THADA: variants seen among roughly 807,000 people sequenced by gnomAD.
THADA encodes the protein THADA armadillo repeat containing, also known as tRNA (32-2'-O)-methyltransferase regulator THADA.
In THADA, 213 loss-of-function variants were observed where a neutral mutation model predicts 219.8. The observed-to-expected ratio is 0.97, with a 90% CI of 0.87 to 1.09. The LOEUF (loss-of-function observed/expected upper bound fraction) is 1.09. Ranked by LOEUF, THADA falls within the 50% of genes least tolerant of loss-of-function variation. The pLI, the probability that THADA is intolerant of heterozygous loss-of-function variation, is 0.00. For missense variants in THADA, 2,956 were observed against 2,311.3 expected (o/e 1.28, Z -5.72); for synonymous variants, 1,018 against 828.9 (o/e 1.23, Z -3.92).
At chr2:43,581,978 T>C (rs1231385580) in intron 7 of THADA, 50 bp from the exon 8 acceptor site, 1 of 1,356,160 alleles carries the variant, frequency 7.4e-7, no homozygotes, top group East Asian at 2.5e-5. Flanking sequence ...AACAAAAGTG[T>C]GAACATTTCT....
intron 32 of THADA, among the ~76,000 whole-genome samples, chr2:43,292,475 T>C (rs901337130): frequency 6.6e-6 from 1 of 152,218 alleles, no homozygotes; most frequent in Admixed American, 6.5e-5. Context: ...CTTTTGATTA[T>C]GCTTCCCAGG....
intron 22 of THADA, among the ~76,000 whole-genome samples, chr2:43,518,698 T>C (rs1202181855): frequency 3.3e-5 from 5 of 152,208 alleles, no homozygotes; most frequent in South Asian, 4.1e-4. Context: ...AGATGATAAC[T>C]TTTTCCTTTC....
At chr2:43,415,852 G>A in intron 28 of THADA, among the ~76,000 whole-genome samples, 1 of 152,136 alleles carries the variant, frequency 6.6e-6, no homozygotes, top group East Asian at 1.9e-4. Flanking sequence ...CTACTTTAGA[G>A]ACATGTTCAA....
intron 3 of THADA, 137 bp downstream of exon 3, chr2:43,591,815 A>G (rs1341848210): frequency 2.9e-6 from 1 of 343,720 alleles, no homozygotes; most frequent in Non-Finnish European, 4.8e-6. Context: ...CAATAAACAG[A>G]AAAAAAAAAA....
intron 24 of THADA, among the ~76,000 whole-genome samples, chr2:43,502,540 G>A (rs563987396): frequency 1.4e-5 from 2 of 146,900 alleles, no homozygotes; most frequent in South Asian, 4.3e-4. Context: ...AGCTGAGATC[G>A]TGCCACTGCC....
intron 29 of THADA, among the ~76,000 whole-genome samples, chr2:43,345,287 G>A (rs1667513234): frequency 6.6e-6 from 1 of 152,204 alleles, no homozygotes; most frequent in African/African-American, 2.4e-5. Context: ...AAACAGAAAA[G>A]GCCAGATAAA....
chr2:43,410,409 C>A (rs1676136853), intron 28 of THADA, among the ~76,000 whole-genome samples: 1 of 152,148 alleles, frequency 6.6e-6, no homozygotes, highest in African/African-American at 2.4e-5. Context: ...GAAATGAAAG[C>A]CTAAGTCCAA....
At chr2:43,540,989 T>C (rs1190523521) in intron 21 of THADA, among the ~76,000 whole-genome samples, 170 bp downstream of exon 21, 5 of 152,210 alleles carry the variant, frequency 3.3e-5, no homozygotes, top group Admixed American at 6.5e-5. Flanking sequence ...AGTTTTGAAA[T>C]GTATTATAAA....
chr2:43,524,440 C>T (rs1408910107), intron 22 of THADA, among the ~76,000 whole-genome samples: 6 of 152,316 alleles, frequency 3.9e-5, no homozygotes, highest in African/African-American at 1.2e-4. Context: ...TTCCTTAACA[C>T]AGCTGTAGTT....
rs571817993 is a variant in THADA, at chr2:43,521,449, G to A, written c.3374+6430C>T. On this transcript the variant is annotated intron_variant, in intron 22 of 37. Transcript: ENST00000405975. ...TTTGCTCTTGTAATCCCAGCTACTC[G>A]GGAGGCTGAGGTGGGAGATTCACTT... Among the ~76,000 whole-genome samples the A allele has an allele frequency of 8.1e-4, 123 of 152,228 alleles. 1 individual carries two copies. Among genetic ancestry groups the A allele is most frequent in the African/African-American group, 2.8e-3 (117 of 41,546 alleles).
intron 31 of THADA, among the ~76,000 whole-genome samples, chr2:43,295,002 T>G (rs1675197755): frequency 6.6e-6 from 1 of 152,196 alleles, no homozygotes; most frequent in Non-Finnish European, 1.5e-5. Flanking sequence ...CTCATGCCTG[T>G]AATCCCAACA....
chr2:43,442,210 C>T (rs756715325), intron 26 of THADA, among the ~76,000 whole-genome samples: 8 of 152,054 alleles, frequency 5.3e-5, no homozygotes, highest in South Asian at 2.1e-4. Flanking sequence ...CCGAGGTGGG[C>T]GGATCCCTTG....
chr2:43,232,948 A>C, intron 36 of THADA, 66 bp from the exon 37 acceptor site: 2 of 1,502,166 alleles, frequency 1.3e-6, no homozygotes, highest in Non-Finnish European at 9.0e-7. Context: ...GGCAGCCTGC[A>C]GGACCCTGGG....
At chr2:43,379,183 T>C (rs1671721191) in intron 29 of THADA, among the ~76,000 whole-genome samples, 1 of 152,180 alleles carries the variant, frequency 6.6e-6, no homozygotes, top group Non-Finnish European at 1.5e-5. Flanking sequence ...TATTCTAATG[T>C]CCGTATCTTC....
At chr2:43,393,791 C>CA (rs1673700249) in intron 29 of THADA, among the ~76,000 whole-genome samples, 1 of 151,380 alleles carries the variant, frequency 6.6e-6, no homozygotes, top group Non-Finnish European at 1.5e-5. Flanking sequence ...ACAAAAGACC[C>CA]AAAATAGACA....
intron 28 of THADA, among the ~76,000 whole-genome samples, chr2:43,413,066 T>TA (rs1676491545): frequency 6.6e-6 from 1 of 152,132 alleles, no homozygotes; most frequent in African/African-American, 2.4e-5. Context: ...GGGTTAACGA[T>TA]AAAAAAAGCT....
intron 25 of THADA, among the ~76,000 whole-genome samples, chr2:43,485,858 C>T (rs932480419): frequency 2.7e-5 from 4 of 150,916 alleles, no homozygotes; most frequent in Non-Finnish European, 5.9e-5. Context: ...AGTAAGACCC[C>T]CATCTCAAAA....
intron 13 of THADA, among the ~76,000 whole-genome samples, chr2:43,571,168 A>G (rs1480311803): frequency 6.6e-6 from 1 of 152,032 alleles, no homozygotes; most frequent in Non-Finnish European, 1.5e-5. Context: ...GGGAGGAAGA[A>G]TCGCTTGAGC....
intron 26 of THADA, among the ~76,000 whole-genome samples, chr2:43,480,623 A>G (rs542440395): frequency 1.7e-4 from 26 of 152,124 alleles, no homozygotes; most frequent in Admixed American, 1.5e-3. Context: ...AATCTGGCCA[A>G]TGTAGTGAAA....
Sources: allele counts gnomAD v4.1 joint callset (sites outside exome capture counted in the v4.1 genomes callset), GRCh38; gene constraint gnomAD v4.1.1; transcripts MANE v1.5; gene names NCBI Gene and HGNC (gene_info 2026-07-23, HGNC 2026-07-21).